Variants in WDR83 observed in about 807,000 individuals in gnomAD.
WDR83 encodes WD repeat domain 83, also known as WD repeat domain-containing protein 83.
A neutral mutation model predicts 37.7 loss-of-function variants in WDR83; 37 were observed. That is an observed-to-expected ratio of 0.98 (90% confidence interval 0.76 to 1.29). The LOEUF is 1.29. Ranked by LOEUF, WDR83 falls within the 50% of genes most tolerant of loss-of-function variation. WDR83 has a pLI of 0.00. For missense variants in WDR83, 445 were observed against 414.4 expected (o/e 1.07, Z -0.64); for synonymous variants, 174 against 181.1 (o/e 0.96, Z 0.31).
At chr19:12,673,404 T>C in intron 10 of WDR83, 88 bp downstream of exon 10, 1 of 514,266 alleles carries the variant, frequency 1.9e-6, no homozygotes, top group South Asian at 2.2e-5. Flanking sequence ...GCCTGAAGGC[T>C]AGGATCTTTT....
At position 12,666,972 on chromosome 19, in the gene WDR83, A is replaced by G. The variant is rs1019452796; in HGVS notation, c.-177A>G. On this transcript the variant is annotated 5_prime_UTR_variant, in exon 1 of 11. Transcript: ENST00000418543. ...TGCCTCTTAATGCCGGAATTCCAAG[A>G]CGGAATGCCTCTTAATGCCGGTAGG... 1 of 547,900 alleles carries G rather than the reference A, an allele frequency of 1.8e-6. No homozygotes were observed. The highest frequency in any genetic ancestry group is 3.2e-6 in the Non-Finnish European group (1 of 309,170). The allele number at this position is 547,900 out of a possible 1,614,324, so 33.9% of individuals were successfully genotyped here.
At chr19:12,669,091 G>C in intron 2 of WDR83, 1 of 1,600,960 alleles carries the variant, frequency 6.2e-7, no homozygotes, top group Non-Finnish European at 8.6e-7. Flanking sequence ...CTCGTTCTCA[G>C]GTCCAACTAC....
intron 2 of WDR83, chr19:12,669,530 G>C (rs1328029238): frequency 8.4e-7 from 1 of 1,186,368 alleles, no homozygotes; most frequent in Non-Finnish European, 1.2e-6. Context: ...ACAGAGGCTT[G>C]GACTCCCCTT....
In WDR83 at chr19:12,670,247, T is replaced by C. The variant is rs2024372337; in HGVS notation, c.292T>C (p.Ser98Pro). 6.2e-7 allele frequency: 1 copy of C among 1,613,942 alleles called. No individual in the cohort carries two copies. The highest frequency in any genetic ancestry group is 1.3e-5 in the African/African-American group (1 of 74,888). ...GGCGGTGGTTCTGTGGGATGTGGCA[T>C]CAGGGCAGGTCGTGCGCAAATTCCG... is the stretch of plus-strand genomic sequence containing the variant. ...DKAVVLWDVA[S>P]GQVVRKFRGH... The change falls in exon 5 of 11, where the codon TCA (serine) becomes CCA (proline). Residue 98 changes from serine to proline, a missense_variant. Coordinates refer to ENST00000418543, the MANE Select transcript of WDR83 (RefSeq NM_001099737.3).
At chr19:12,669,262 T>C (rs954065495) in intron 2 of WDR83, 1 of 1,612,156 alleles carries the variant, frequency 6.2e-7, no homozygotes, top group African/African-American at 1.3e-5. Context: ...TCAGGGGCGC[T>C]CAGGTCCTGC....
At chr19:12,671,039 A>C in intron 7 of WDR83, 3 of 655,312 alleles carry the variant, frequency 4.6e-6, no homozygotes, top group East Asian at 3.8e-5. Context: ...CAAAATAATA[A>C]TAATCTGGCC....
chr19:12,671,639 C>T (rs759467345), intron 7 of WDR83, among the ~76,000 whole-genome samples: 2 of 152,134 alleles, frequency 1.3e-5, no homozygotes, highest in Non-Finnish European at 2.9e-5. Context: ...TAGAGCAAGA[C>T]TCCGTCTCAA....
chr19:12,674,781 G>A (rs1441958557), intron 10 of WDR83, among the ~76,000 whole-genome samples: 1 of 152,120 alleles, frequency 6.6e-6, no homozygotes, highest in Non-Finnish European at 1.5e-5. Flanking sequence ...TCTAGAAGCA[G>A]AGCCAAGAGG....
chr19:12,668,146 T>A (rs1452892069), intron 1 of WDR83: 2 of 565,768 alleles, frequency 3.5e-6, no homozygotes, highest in South Asian at 2.0e-5. Flanking sequence ...ATGGACAGCA[T>A]CTCCCCCAGC....
intron 7 of WDR83, 44 bp from the exon 8 acceptor site, chr19:12,672,803 G>A: frequency 1.9e-6 from 3 of 1,550,290 alleles, no homozygotes; most frequent in Non-Finnish European, 1.7e-6. Flanking sequence ...CTGGAGCCAT[G>A]TGAGTGTAGT....
intron 10 of WDR83, among the ~76,000 whole-genome samples, chr19:12,675,042 A>C (rs575309623): frequency 8.6e-5 from 13 of 151,984 alleles, no homozygotes; most frequent in African/African-American, 3.1e-4. Context: ...TGAACTAGGG[A>C]GTCGGAGGTT....
chr19:12,673,414 T>C, intron 10 of WDR83, 98 bp downstream of exon 10: 11 of 472,618 alleles, frequency 2.3e-5, no homozygotes, highest in Admixed American at 4.6e-5. Context: ...TAGGATCTTT[T>C]TTTTTTTTTT....
intron 10 of WDR83, among the ~76,000 whole-genome samples, chr19:12,674,013 AG>A (rs2024496974): frequency 6.6e-6 from 1 of 152,138 alleles, no homozygotes; most frequent in Non-Finnish European, 1.5e-5. Context: ...GCTAGAGAGA[AG>A]ATGAGGCAGG....
rs780895674 is a variant in WDR83, at chr19:12,675,695, A to AC, written c.*25dup. 4.3e-4 allele frequency: 693 copies of AC among 1,598,164 alleles called. No homozygotes were observed. Among genetic ancestry groups the AC allele is most frequent in the Non-Finnish European group, 5.3e-4 (627 of 1,177,922 alleles). ...TGAAGCCAGGGGACCCACCAACAGG[A>AC]CCAAGGACCGAGACACAGACATGGA... On this transcript the variant is annotated 3_prime_UTR_variant, in exon 11 of 11. Coordinates refer to ENST00000418543, the MANE Select transcript of WDR83 (RefSeq NM_001099737.3).
rs1599362136 is a variant in WDR83, at chr19:12,666,932, G to T, written c.-217G>T. On this transcript the variant is annotated 5_prime_UTR_variant, in exon 1 of 11. Coordinates refer to ENST00000418543, the MANE Select transcript of WDR83 (RefSeq NM_001099737.3). ...TAAAGGTGACACTGGCGTCTCACGGGCTATGAAGACGGAATGCCTCTTAAT... is the reference window on the plus strand; with the variant it reads ...TAAAGGTGACACTGGCGTCTCACGGTCTATGAAGACGGAATGCCTCTTAAT... 1.7e-6 allele frequency: 1 copy of T among 574,820 alleles called. No homozygotes were observed. The highest frequency in any genetic ancestry group is 2.9e-5 in the East Asian group (1 of 34,074). 35.6% of individuals were successfully genotyped at this position (574,820 alleles called of 1,614,324 possible).
chr19:12,670,644 G>C (rs551484687), intron 6 of WDR83, 33 bp downstream of exon 6: 13 of 1,614,192 alleles, frequency 8.1e-6, no homozygotes, highest in South Asian at 1.1e-5. Flanking sequence ...GGGGCCCAGG[G>C]TGCTGCCCTC....
rs1005297018 is a variant in WDR83 at position 12,674,676 on chromosome 19, G to C, written c.799-847G>C. ...ATCATTGGGGCTGCCAAATGGACAG[G>C]ATGGAGCCCAGCTGGTGGCAGGGAA... On this transcript the variant is annotated intron_variant, in intron 10 of 10. Coordinates refer to ENST00000418543, the MANE Select transcript of WDR83 (RefSeq NM_001099737.3). Among the ~76,000 whole-genome samples, 8 of 152,134 alleles carry C rather than the reference G, an allele frequency of 5.3e-5. 1 individual carries two copies. Among genetic ancestry groups the C allele is most frequent in the Admixed American group, 5.2e-4 (8 of 15,256 alleles).
chr19:12,675,035 A>C (rs190804179), intron 10 of WDR83, among the ~76,000 whole-genome samples: 1 of 152,002 alleles, frequency 6.6e-6, no homozygotes. Context: ...AATCGCTTGA[A>C]CTAGGGAGTC....
At chr19:12,668,347 T>C in intron 1 of WDR83, 161 bp from the exon 2 acceptor site, 3 of 1,608,776 alleles carry the variant, frequency 1.9e-6, no homozygotes, top group Non-Finnish European at 2.5e-6. Context: ...ATGTGACCCT[T>C]CTAGGCTGGT....
Sources: allele counts gnomAD v4.1 joint callset (sites outside exome capture counted in the v4.1 genomes callset), GRCh38; gene constraint gnomAD v4.1.1; transcripts MANE v1.5; gene names NCBI Gene and HGNC (gene_info 2026-07-23, HGNC 2026-07-21).